The following PTPRQ variants were observed in gnomAD, a reference collection of about 807,000 sequenced individuals.
The protein encoded by PTPRQ is phosphatidylinositol phosphatase PTPRQ.
PTPRQ carries 199 observed loss-of-function variants against 246.0 expected under a neutral mutation model. The ratio of observed to expected loss-of-function variants is 0.81; its 90% confidence interval spans 0.72 to 0.91. The LOEUF (loss-of-function observed/expected upper bound fraction) is 0.91, where lower values mean the gene tolerates loss of function less well. PTPRQ is among the 40% of genes least tolerant of loss of function. PTPRQ has a pLI of 0.00. For synonymous variants in PTPRQ, 869 were observed against 853.2 expected, an observed-to-expected ratio of 1.02 and a Z score of -0.32; for missense variants, 2,624 against 2,528.4, an observed-to-expected ratio of 1.04 and a Z score of -0.81.
At chr12:80,675,040 T>A (rs893780740) in intron 43 of PTPRQ, among the ~76,000 whole-genome samples, 5 of 152,144 alleles carry the variant, frequency 3.3e-5, no homozygotes, top group Non-Finnish European at 5.9e-5. Flanking sequence ...ATTAGTTAGG[T>A]AAACTAGGTA....
intron 14 of PTPRQ, among the ~76,000 whole-genome samples, chr12:80,498,951 AG>A (rs1434182170): frequency 6.6e-6 from 1 of 152,070 alleles, no homozygotes; most frequent in African/African-American, 2.4e-5. Flanking sequence ...ATTCAAAGGC[AG>A]GGACAATAAA....
intron 25 of PTPRQ, among the ~76,000 whole-genome samples, chr12:80,568,879 A>G (rs1005937947): frequency 2.6e-5 from 4 of 152,344 alleles, no homozygotes; most frequent in South Asian, 2.1e-4. Context: ...AGCTAGAAGC[A>G]AAGTTTTCAT....
chr12:80,461,078 C>T (rs1021975348), intron 6 of PTPRQ, among the ~76,000 whole-genome samples, 176 bp downstream of exon 6: 1 of 152,144 alleles, frequency 6.6e-6, no homozygotes, highest in African/African-American at 2.4e-5. Flanking sequence ...TATATTATAG[C>T]ACAAAATAAG....
chr12:80,497,116 T>C (rs979113348), intron 14 of PTPRQ, among the ~76,000 whole-genome samples: 9 of 152,054 alleles, frequency 5.9e-5, no homozygotes, highest in Non-Finnish European at 1.3e-4. Flanking sequence ...TGAGGTTGGT[T>C]TCTGGATGAT....
chr12:80,588,082 G>A, intron 25 of PTPRQ, 47 bp from the exon 26 acceptor site: 1 of 1,466,090 alleles, frequency 6.8e-7, no homozygotes, highest in Non-Finnish European at 9.0e-7. Context: ...TCTTTATGAA[G>A]TGTTTGGTAA....
intron 36 of PTPRQ, 143 bp downstream of exon 36, chr12:80,649,066 T>C (rs1259406008): frequency 1.3e-6 from 1 of 743,928 alleles, no homozygotes; most frequent in Non-Finnish European, 2.0e-6. Flanking sequence ...AAAGCATGAC[T>C]AATTGCATGG....
At chr12:80,544,335 CA>C (rs1218611100) in intron 23 of PTPRQ, among the ~76,000 whole-genome samples, 2 of 151,978 alleles carry the variant, frequency 1.3e-5, no homozygotes, top group Admixed American at 6.6e-5. Flanking sequence ...TTTAAAAGAA[CA>C]AAAAAACTGT....
intron 43 of PTPRQ, among the ~76,000 whole-genome samples, chr12:80,673,581 C>G (rs1162204474): frequency 3.3e-5 from 5 of 152,088 alleles, no homozygotes; most frequent in Non-Finnish European, 4.4e-5. Flanking sequence ...ATTGATTTAT[C>G]TTTATCGTTT....
At chr12:80,639,273 C>T (rs1415433622) in intron 35 of PTPRQ, among the ~76,000 whole-genome samples, 2 of 152,100 alleles carry the variant, frequency 1.3e-5, no homozygotes, top group South Asian at 2.1e-4. Flanking sequence ...ATCTTCTTTC[C>T]GCATTTAAGT....
intron 35 of PTPRQ, among the ~76,000 whole-genome samples, chr12:80,639,546 A>C (rs1899781170): frequency 6.6e-6 from 1 of 152,196 alleles, no homozygotes; most frequent in Non-Finnish European, 1.5e-5. Context: ...TAAACAATCT[A>C]ATGAGTTGGA....
At chr12:80,557,789 T>C (rs1166328651) in intron 25 of PTPRQ, among the ~76,000 whole-genome samples, 1 of 152,108 alleles carries the variant, frequency 6.6e-6, no homozygotes, top group Non-Finnish European at 1.5e-5. Flanking sequence ...AAATAGTATA[T>C]CAGATGGAAA....
intron 38 of PTPRQ, among the ~76,000 whole-genome samples, chr12:80,655,157 G>A (rs998837018): frequency 1.3e-5 from 2 of 152,066 alleles, no homozygotes; most frequent in Non-Finnish European, 2.9e-5. Context: ...TAATAAAAAG[G>A]ACCGAGGAGT....
intron 14 of PTPRQ, among the ~76,000 whole-genome samples, chr12:80,501,599 C>T (rs1424870325): frequency 1.3e-5 from 2 of 152,040 alleles, no homozygotes; most frequent in Non-Finnish European, 2.9e-5. Flanking sequence ...AAAGTCATAT[C>T]ACTGGACAAC....
In PTPRQ at chr12:80,670,455, AG is replaced by A; in HGVS notation, c.6568del (p.Ala2190HisfsTer7). 6.4e-7 allele frequency: 1 copy of A among 1,551,264 alleles called. No homozygotes were observed. Among genetic ancestry groups the A allele is most frequent in the Non-Finnish European group, 8.7e-7 (1 of 1,146,580 alleles). ...CTTTGTGAAGTTGGTTCGAGCAAGC[AG>A]GGCACATGACACCACACCTATGATT... ...IHFVKLVRAS[R>X]AHDTTPMIVH... On this transcript the variant is annotated frameshift_variant, in exon 42 of 45. Coordinates refer to ENST00000644991, the MANE Select transcript of PTPRQ (RefSeq NM_001145026.2). LOFTEE classifies it high-confidence loss of function.
chr12:80,605,580 G>A (rs1000641700), intron 27 of PTPRQ, among the ~76,000 whole-genome samples: 4 of 151,156 alleles, frequency 2.6e-5, no homozygotes, highest in Admixed American at 6.6e-5. Flanking sequence ...AATACAAAAT[G>A]AGAAGAGAGA....
chr12:80,444,284 G>T lies in PTPRQ; in HGVS notation c.-62G>T, dbSNP rs780389159. On this transcript the variant is annotated 5_prime_UTR_variant, in exon 1 of 45. The change abolishes an upstream ATG in the 5' untranslated region. Coordinates refer to ENST00000644991, the MANE Select transcript of PTPRQ (RefSeq NM_001145026.2). ...AAGGATCTGTCTTTAAATCATTAAT[G>T]CAGGCAACATTTCTCTCTAGAGCCA... 1 of 834,786 alleles carries T rather than the reference G, an allele frequency of 1.2e-6. No homozygotes were observed. The highest frequency in any genetic ancestry group is 2.0e-6 in the Non-Finnish European group (1 of 502,796). 51.7% of individuals were successfully genotyped at this position (834,786 alleles called of 1,614,324 possible). A position where few individuals can be genotyped will look rare whatever the true frequency, so the allele number is the denominator to read the frequency against.
chr12:80,648,219 A>G (rs964401704), intron 35 of PTPRQ, among the ~76,000 whole-genome samples: 2 of 151,998 alleles, frequency 1.3e-5, no homozygotes, highest in African/African-American at 4.8e-5. Flanking sequence ...ATTTCATTAT[A>G]TTTTGTGCCT....
chr12:80,568,920 T>G (rs976956932), intron 25 of PTPRQ, among the ~76,000 whole-genome samples: 2 of 152,184 alleles, frequency 1.3e-5, no homozygotes, highest in Non-Finnish European at 2.9e-5. Flanking sequence ...CAATATATGA[T>G]AGTAACAAAT....
rs1195026786 is a variant in PTPRQ at position 80,566,994 on chromosome 12, G to T, written c.4285+17260G>T. 2.6e-5 allele frequency among the ~76,000 whole-genome samples: 4 copies of T among 152,156 alleles called. No homozygotes were observed. In the East Asian group the frequency reaches 7.7e-4, roughly 29 times the overall value. The stretch of plus-strand genomic sequence containing the variant: ...TATTTAGGTTGTTATCAAAGAAATG[G>T]TTAACTGTGTAAAACATGTTAAAAG... On this transcript the variant is annotated intron_variant, in intron 25 of 44. Transcript: ENST00000644991.
Sources: allele counts gnomAD v4.1 joint callset (sites outside exome capture counted in the v4.1 genomes callset), GRCh38; gene constraint gnomAD v4.1.1; transcripts MANE v1.5; gene names NCBI Gene and HGNC (gene_info 2026-07-23, HGNC 2026-07-21).